The following ADAMTSL1 variants were observed in gnomAD, a reference collection of about 807,000 sequenced individuals.
ADAMTSL1 encodes ADAMTS like 1.
In ADAMTSL1, 126 loss-of-function variants were observed where a neutral mutation model predicts 201.8. The ratio of observed to expected loss-of-function variants is 0.62; its 90% CI spans 0.54 to 0.72. ADAMTSL1 has a LOEUF of 0.72. Among genes scored for constraint, ADAMTSL1 ranks in the 30% least tolerant of loss-of-function variants. ADAMTSL1 has a pLI of 0.00. For synonymous variants in ADAMTSL1, 1,121 were observed against 903.4 expected (o/e 1.24, Z -4.32); for missense variants, 2,679 against 2,277.8 (o/e 1.18, Z -3.59).
At chr9:17,978,132 A>C (rs1818528834) in intron 1 of ADAMTSL1, among the ~76,000 whole-genome samples, 3 of 151,816 alleles carry the variant, frequency 2.0e-5, no homozygotes, top group Non-Finnish European at 2.9e-5. Flanking sequence ...GTTCTCTTTT[A>C]GTTTTCATTT....
intron 5 of ADAMTSL1, among the ~76,000 whole-genome samples, chr9:18,635,313 A>AT (rs1827044144): frequency 6.6e-6 from 1 of 152,194 alleles, no homozygotes; most frequent in Non-Finnish European, 1.5e-5. Flanking sequence ...GTGAAAAGAA[A>AT]TCTATTATAA....
chr9:18,393,388 C>T (rs1430534108), intron 2 of ADAMTSL1, among the ~76,000 whole-genome samples: 1 of 152,122 alleles, frequency 6.6e-6, no homozygotes, highest in Non-Finnish European at 1.5e-5. Context: ...AAGGTAATGA[C>T]TCACCATCCC....
chr9:18,249,713 C>A (rs978077332), intron 2 of ADAMTSL1, among the ~76,000 whole-genome samples: 2 of 152,144 alleles, frequency 1.3e-5, no homozygotes, highest in Admixed American at 6.5e-5. Flanking sequence ...GAAAACCCTA[C>A]GGATACATAG....
At chr9:18,128,394 C>G (rs772705519) in intron 1 of ADAMTSL1, among the ~76,000 whole-genome samples, 2 of 152,154 alleles carry the variant, frequency 1.3e-5, no homozygotes, top group Non-Finnish European at 2.9e-5. Flanking sequence ...CAGGGTCTCA[C>G]TCCTGCCACC....
chr9:18,804,927 A>C (rs1190693364), intron 20 of ADAMTSL1, among the ~76,000 whole-genome samples: 2 of 152,242 alleles, frequency 1.3e-5, no homozygotes, highest in Non-Finnish European at 2.9e-5. Context: ...GGTGTTAAAA[A>C]TGTGTTAAAT....
intron 16 of ADAMTSL1, among the ~76,000 whole-genome samples, chr9:18,769,747 C>T (rs1044001385): frequency 2.0e-5 from 3 of 152,164 alleles, no homozygotes; most frequent in Non-Finnish European, 2.9e-5. Flanking sequence ...TATATCCCAT[C>T]GGCCAGCATC....
intron 3 of ADAMTSL1, among the ~76,000 whole-genome samples, chr9:18,538,490 A>G (rs1348552462): frequency 1.3e-5 from 2 of 152,116 alleles, no homozygotes; most frequent in East Asian, 1.9e-4. Context: ...AAGAAGTATC[A>G]TATCTGGGCT....
chr9:18,346,075 C>T (rs1220175496), intron 2 of ADAMTSL1, among the ~76,000 whole-genome samples: 3 of 152,110 alleles, frequency 2.0e-5, no homozygotes, highest in East Asian at 1.9e-4. Flanking sequence ...TATCCCTGAC[C>T]CTGTATGCTA....
At chr9:18,733,660 C>T (rs1389564945) in intron 15 of ADAMTSL1, among the ~76,000 whole-genome samples, 3 of 141,136 alleles carry the variant, frequency 2.1e-5, no homozygotes, top group Non-Finnish European at 4.6e-5. Context: ...CGCTCACTCT[C>T]TCTCTCTGCC....
chr9:18,168,038 G>A (rs999313734), intron 2 of ADAMTSL1, among the ~76,000 whole-genome samples: 9 of 151,786 alleles, frequency 5.9e-5, no homozygotes, highest in African/African-American at 1.2e-4. Context: ...ACATTTAATC[G>A]CAAATGTACA....
In ADAMTSL1 at chr9:18,097,874, T is replaced by C. The variant is rs574328842; in HGVS notation, c.88-65988T>C. Among the ~76,000 whole-genome samples, 22 of 151,944 alleles carry C rather than the reference T, an allele frequency of 1.4e-4. No homozygotes were observed. The South Asian group carries it at 3.7e-3, about 26-fold the overall frequency. On this transcript the variant is annotated intron_variant, in intron 1 of 29. Coordinates refer to the ADAMTSL1 transcript ENST00000680146. ...TCTTTTATGGTTATTGTTTTTTTTT[T>C]GAGTGTGTATACTGAGAAATCTTTG...
chr9:18,682,008 T>C, intron 12 of ADAMTSL1, 49 bp downstream of exon 12: 1 of 1,590,714 alleles, frequency 6.3e-7, no homozygotes, highest in Non-Finnish European at 8.6e-7. Flanking sequence ...TTGTGTGTAG[T>C]CAGGTGTGTT....
chr9:18,626,223 A>G (rs1476551288), intron 5 of ADAMTSL1, among the ~76,000 whole-genome samples: 1 of 152,216 alleles, frequency 6.6e-6, no homozygotes, highest in African/African-American at 2.4e-5. Context: ...AAAACAGACA[A>G]AATCCATTTA....
At chr9:18,141,717 C>T (rs1017783982) in intron 1 of ADAMTSL1, among the ~76,000 whole-genome samples, 23 of 152,310 alleles carry the variant, frequency 1.5e-4, no homozygotes, top group Middle Eastern at 3.4e-3. Context: ...GTATATTCCT[C>T]ACAGCATCTC....
At chr9:18,640,340 T>C (rs1024444418) in intron 7 of ADAMTSL1, among the ~76,000 whole-genome samples, 1 of 152,156 alleles carries the variant, frequency 6.6e-6, no homozygotes, top group African/African-American at 2.4e-5. Flanking sequence ...GGTAGTTAAA[T>C]GATTTCTGTT....
At chr9:18,296,770 A>T (rs1350885040) in intron 2 of ADAMTSL1, among the ~76,000 whole-genome samples, 1 of 152,156 alleles carries the variant, frequency 6.6e-6, no homozygotes, top group Admixed American at 6.5e-5. Flanking sequence ...TTTACTGTAG[A>T]TCATCCTTGA....
chr9:17,963,660 G>A (rs2131405344), intron 1 of ADAMTSL1, among the ~76,000 whole-genome samples: 1 of 152,144 alleles, frequency 6.6e-6, no homozygotes, highest in African/African-American at 2.4e-5. Flanking sequence ...TTTTAATACG[G>A]TTCACTTCAT....
chr9:18,031,852 C>T (rs1412328635), intron 1 of ADAMTSL1, among the ~76,000 whole-genome samples: 4 of 152,178 alleles, frequency 2.6e-5, no homozygotes, highest in Non-Finnish European at 5.9e-5. Flanking sequence ...TCAGAGTGGG[C>T]TGTGGGATAT....
At chr9:18,615,873 A>G (rs1422846542) in intron 4 of ADAMTSL1, among the ~76,000 whole-genome samples, 1 of 152,130 alleles carries the variant, frequency 6.6e-6, no homozygotes, top group African/African-American at 2.4e-5. Flanking sequence ...GCTGCTGCTG[A>G]TTAGTAATAT....
Sources: allele counts gnomAD v4.1 joint callset (sites outside exome capture counted in the v4.1 genomes callset), GRCh38; gene constraint gnomAD v4.1.1; transcripts MANE v1.5; gene names NCBI Gene and HGNC (gene_info 2026-07-23, HGNC 2026-07-21).